Variants in SYT9 observed in about 807,000 individuals in gnomAD.
SYT9 encodes the protein synaptotagmin 9, also known as synaptotagmin-9.
In SYT9, 22 loss-of-function variants were observed where a neutral mutation model predicts 48.4. The observed-to-expected ratio is 0.45, with a 90% confidence interval of 0.32 to 0.65. The LOEUF (loss-of-function observed/expected upper bound fraction) is 0.65. Ranked by LOEUF, SYT9 falls within the 30% of genes least tolerant of loss-of-function variation. The pLI, the probability that SYT9 is intolerant of heterozygous loss-of-function variation, is 0.03. For missense variants in SYT9, 577 were observed against 622.0 expected, an observed-to-expected ratio of 0.93 and a Z score of 0.77; for synonymous variants, 265 against 245.0, an observed-to-expected ratio of 1.08 and a Z score of -0.76.
intron 6 of SYT9, among the ~76,000 whole-genome samples, chr11:7,464,332 A>G (rs1250694281): frequency 6.6e-6 from 1 of 152,226 alleles, no homozygotes; most frequent in African/African-American, 2.4e-5. Flanking sequence ...TAGGGAGTCT[A>G]GAAAGCCAAG....
chr11:7,251,893 A>G (rs974939157), upstream of SYT9: 7 of 296,916 alleles, frequency 2.4e-5, no homozygotes, highest in Admixed American at 5.2e-5. Context: ...GCGGAGCGCA[A>G]GCAGAGAGGC....
chr11:7,404,923 C>T (rs1044927392), intron 3 of SYT9, among the ~76,000 whole-genome samples: 2 of 152,072 alleles, frequency 1.3e-5, no homozygotes, highest in African/African-American at 2.4e-5. Flanking sequence ...ATAGAGAATT[C>T]ACATCAGCTT....
At chr11:7,325,487 G>A (rs1160598806) in intron 3 of SYT9, among the ~76,000 whole-genome samples, 1 of 97,556 alleles carries the variant, frequency 1.0e-5, no homozygotes, top group African/African-American at 4.5e-5. Context: ...TGCTGAAGTT[G>A]CTTATCAGCT....
chr11:7,378,342 C>T (rs1850494759), intron 3 of SYT9, among the ~76,000 whole-genome samples: 1 of 151,990 alleles, frequency 6.6e-6, no homozygotes, highest in Non-Finnish European at 1.5e-5. Context: ...CCTAAGAGCA[C>T]CCAATATCCA....
chr11:7,444,220 A>G (rs527887979), intron 6 of SYT9: 1 of 152,408 alleles, frequency 6.6e-6, no homozygotes, highest in East Asian at 1.9e-4. Context: ...CTGCAAGGAG[A>G]GAGCAGCGTG....
intron 6 of SYT9, chr11:7,444,288 T>C (rs1474497009): frequency 6.6e-6 from 1 of 152,156 alleles, no homozygotes; most frequent in East Asian, 1.9e-4. Flanking sequence ...TTCCCTGAGG[T>C]TTGGGAATGA....
chr11:7,302,547 G>C (rs1848941624), intron 1 of SYT9, among the ~76,000 whole-genome samples: 1 of 152,064 alleles, frequency 6.6e-6, no homozygotes, highest in African/African-American at 2.4e-5. Context: ...AAAGTTAATA[G>C]GAAAAATAGA....
At chr11:7,266,307 T>C (rs1320618318) in intron 1 of SYT9, among the ~76,000 whole-genome samples, 1 of 152,110 alleles carries the variant, frequency 6.6e-6, no homozygotes, top group Non-Finnish European at 1.5e-5. Flanking sequence ...TTTGTGTGTA[T>C]TACTTTAATT....
chr11:7,427,677 A>G (rs1847488600), intron 6 of SYT9: 1 of 152,190 alleles, frequency 6.6e-6, no homozygotes, highest in Non-Finnish European at 1.5e-5. Flanking sequence ...AGAAGAGAAA[A>G]ATAATAGGAA....
intron 3 of SYT9, among the ~76,000 whole-genome samples, chr11:7,362,415 C>G (rs1850156827): frequency 1.3e-5 from 2 of 152,018 alleles, no homozygotes; most frequent in Non-Finnish European, 2.9e-5. Flanking sequence ...GATTGCAGGC[C>G]TGAACCACCG....
intron 3 of SYT9, among the ~76,000 whole-genome samples, chr11:7,316,528 T>C (rs1190660348): frequency 6.6e-6 from 1 of 152,224 alleles, no homozygotes; most frequent in South Asian, 2.1e-4. Context: ...TATTAATATA[T>C]GACAAATTTG....
chr11:7,465,086 CA>C (rs886571220), intron 6 of SYT9, among the ~76,000 whole-genome samples: 3 of 151,208 alleles, frequency 2.0e-5, no homozygotes, highest in Admixed American at 1.3e-4. Context: ...GACTCCATCT[CA>C]AAAAAAACGA....
At chr11:7,349,871 CT>C (rs1437899336) in intron 3 of SYT9, among the ~76,000 whole-genome samples, 1 of 152,216 alleles carries the variant, frequency 6.6e-6, no homozygotes, top group Non-Finnish European at 1.5e-5. Context: ...TTATACTACA[CT>C]TCAAAATATC....
intron 1 of SYT9, among the ~76,000 whole-genome samples, chr11:7,269,402 C>A (rs1564842045): frequency 6.6e-6 from 1 of 152,172 alleles, no homozygotes; most frequent in East Asian, 1.9e-4. Flanking sequence ...TAGATGACAG[C>A]AAAACAATAA....
At chr11:7,385,368 G>GTGTGCA (rs1850638582) in intron 3 of SYT9, among the ~76,000 whole-genome samples, 1 of 147,064 alleles carries the variant, frequency 6.8e-6, no homozygotes, top group African/African-American at 2.6e-5. Flanking sequence ...GTGTGTGTGT[G>GTGTGCA]TGCGTGTGTG....
chr11:7,405,762 ATATTTTAC>A (rs1246020030), intron 3 of SYT9, among the ~76,000 whole-genome samples: 10 of 152,168 alleles, frequency 6.6e-5, no homozygotes, highest in African/African-American at 2.2e-4. Flanking sequence ...AGAAAATGGG[ATATTTTAC>A]TATTTTACTT....
intron 6 of SYT9, among the ~76,000 whole-genome samples, chr11:7,448,421 T>C (rs975155042): frequency 6.6e-6 from 1 of 152,250 alleles, no homozygotes; most frequent in African/African-American, 2.4e-5. Context: ...ATCTTCTCCG[T>C]TCAGGGCTCC....
chr11:7,352,069 C>G (rs546578638), intron 3 of SYT9, among the ~76,000 whole-genome samples: 2 of 152,138 alleles, frequency 1.3e-5, no homozygotes, highest in African/African-American at 2.4e-5. Flanking sequence ...GCTATTTAGT[C>G]AAATCCCAAC....
chr11:7,366,879 TA>T (rs1407555137), intron 3 of SYT9, among the ~76,000 whole-genome samples: 1 of 151,894 alleles, frequency 6.6e-6, no homozygotes, highest in African/African-American at 2.4e-5. Context: ...TTCTCCCTCA[TA>T]AACATTTATT....
Sources: allele counts gnomAD v4.1 joint callset (sites outside exome capture counted in the v4.1 genomes callset), GRCh38; gene constraint gnomAD v4.1.1; transcripts MANE v1.5; gene names NCBI Gene and HGNC (gene_info 2026-07-23, HGNC 2026-07-21).